Variants in AUTS2 observed in about 807,000 individuals in gnomAD.
AUTS2 encodes activator of transcription and developmental regulator AUTS2.
A neutral mutation model predicts 112.4 loss-of-function variants in AUTS2; 17 were observed. The ratio of observed to expected loss-of-function variants is 0.15; its 90% CI spans 0.10 to 0.23. The LOEUF (loss-of-function observed/expected upper bound fraction) is 0.23, where lower values mean the gene tolerates loss of function less well. AUTS2 is among the 10% of genes least tolerant of loss of function. The pLI is 1.00. For synonymous variants in AUTS2, 751 were observed against 702.7 expected, an observed-to-expected ratio of 1.07 and a Z score of -1.09; for missense variants, 1,510 against 1,701.6, an observed-to-expected ratio of 0.89 and a Z score of 1.98.
At chr7:70,768,105 T>C in intron 10 of AUTS2, 37 bp downstream of exon 10, 1 of 1,567,534 alleles carries the variant, frequency 6.4e-7, no homozygotes, top group Non-Finnish European at 8.6e-7. Flanking sequence ...TGAATGTAAC[T>C]GCTTTGCCAT....
chr7:70,074,349 G>A (rs1344021870), intron 2 of AUTS2, among the ~76,000 whole-genome samples: 1 of 151,884 alleles, frequency 6.6e-6, no homozygotes, highest in African/African-American at 2.4e-5. Context: ...CTTTCCCTTG[G>A]GTGTTATCTT....
At chr7:70,613,452 T>C (rs1355115654) in intron 5 of AUTS2, among the ~76,000 whole-genome samples, 2 of 151,968 alleles carry the variant, frequency 1.3e-5, no homozygotes, top group African/African-American at 4.8e-5. Flanking sequence ...GAGGGTATTG[T>C]GTTAGGTGTG....
chr7:70,351,425 CTATT>C (rs1468034853), intron 4 of AUTS2, among the ~76,000 whole-genome samples: 1 of 152,182 alleles, frequency 6.6e-6, no homozygotes. Flanking sequence ...TTTTCTTTAT[CTATT>C]CATCCATTGA....
intron 2 of AUTS2, among the ~76,000 whole-genome samples, chr7:69,902,101 T>C (rs549529429): frequency 6.6e-6 from 1 of 152,312 alleles, no homozygotes; most frequent in South Asian, 2.1e-4. Context: ...TTTGTTTTCA[T>C]GTAATATGAA....
At chr7:69,726,207 A>G (rs1584140876) in intron 1 of AUTS2, among the ~76,000 whole-genome samples, 1 of 151,922 alleles carries the variant, frequency 6.6e-6, no homozygotes, top group South Asian at 2.1e-4. Context: ...ATTCCTGCCC[A>G]CCCCTCCCAT....
intron 3 of AUTS2, among the ~76,000 whole-genome samples, chr7:70,125,387 T>G (rs1052752761): frequency 1.3e-5 from 2 of 152,118 alleles, no homozygotes; most frequent in African/African-American, 2.4e-5. Flanking sequence ...GCCTAATGCC[T>G]AACGTCTTAC....
In AUTS2 at chr7:70,529,232, A is replaced by G. The variant is rs541974488; in HGVS notation, c.690+93451A>G. Among the ~76,000 whole-genome samples the G allele has an allele frequency of 8.1e-4, 124 of 152,374 alleles. 1 individual carries two copies. Among genetic ancestry groups the G allele is most frequent in the African/African-American group, 2.7e-3 (114 of 41,594 alleles). The stretch of plus-strand genomic sequence containing the variant: ...CTTCACCATGCTGGAAAAATGGAAT[A>G]AAGAACCAAAATCAACGATAGCAGT... On this transcript the variant is annotated intron_variant, in intron 5 of 18. Transcript: ENST00000342771.
intron 5 of AUTS2, among the ~76,000 whole-genome samples, chr7:70,637,582 T>C (rs1423182568): frequency 6.6e-6 from 1 of 152,190 alleles, no homozygotes; most frequent in Non-Finnish European, 1.5e-5. Flanking sequence ...ACTGGAGGAA[T>C]ATAATGTTAC....
chr7:70,727,898 C>T (rs1241741145), intron 6 of AUTS2, among the ~76,000 whole-genome samples: 1 of 152,188 alleles, frequency 6.6e-6, no homozygotes, highest in Non-Finnish European at 1.5e-5. Flanking sequence ...CCAGGATCTG[C>T]AGGTAATACA....
chr7:69,623,452 G>A (rs952630197), intron 1 of AUTS2, among the ~76,000 whole-genome samples: 1 of 127,372 alleles, frequency 7.9e-6, no homozygotes, highest in African/African-American at 3.0e-5. Context: ...GGCTGGTCTT[G>A]AACTCCTGGG....
chr7:69,759,870 A>G (rs1021956299), intron 1 of AUTS2, among the ~76,000 whole-genome samples: 3 of 144,068 alleles, frequency 2.1e-5, no homozygotes, highest in African/African-American at 7.7e-5. Context: ...TTTACTGGCC[A>G]TAAAGGTTCA....
intron 1 of AUTS2, among the ~76,000 whole-genome samples, chr7:69,763,334 C>T (rs1282648217): frequency 5.9e-5 from 9 of 152,138 alleles, no homozygotes; most frequent in Admixed American, 5.9e-4. Flanking sequence ...CTCTCAAATG[C>T]ATGCTGTGGG....
chr7:70,048,604 A>G (rs1801607944), intron 2 of AUTS2, among the ~76,000 whole-genome samples: 1 of 152,218 alleles, frequency 6.6e-6, no homozygotes, highest in Non-Finnish European at 1.5e-5. Flanking sequence ...GAATTAATTC[A>G]TTTGTGTGTG....
chr7:70,172,603 A>G (rs1185285753), intron 4 of AUTS2, among the ~76,000 whole-genome samples: 5 of 152,172 alleles, frequency 3.3e-5, no homozygotes, highest in South Asian at 4.1e-4. Context: ...TATTTTTTCA[A>G]TTTTTAATAA....
intron 4 of AUTS2, among the ~76,000 whole-genome samples, chr7:70,277,924 A>ATT (rs1159500325): frequency 8.1e-6 from 1 of 123,466 alleles, no homozygotes; most frequent in African/African-American, 3.2e-5. Context: ...TGCCTTGTGT[A>ATT]TTTGTGTGTG....
chr7:70,505,161 A>C (rs1798914887), intron 5 of AUTS2, among the ~76,000 whole-genome samples: 1 of 152,176 alleles, frequency 6.6e-6, no homozygotes, highest in African/African-American at 2.4e-5. Flanking sequence ...GATGACTGTA[A>C]GCATATTTCT....
In AUTS2 at chr7:70,220,143, G is replaced by A. The variant is rs148244972; in HGVS notation, c.660+85572G>A. On this transcript the variant is annotated intron_variant, in intron 4 of 18. Transcript: ENST00000342771. ...TAGAGCAGCCGCAGTCATAGATAAC[G>A]CAAAAATAAATGTGGCAGTGTTCCA... Among the ~76,000 whole-genome samples, 19 of 152,218 alleles carry A rather than the reference G, an allele frequency of 1.2e-4. No homozygotes were observed. The East Asian group carries it at 3.5e-3, about 28-fold the overall frequency.
intron 4 of AUTS2, among the ~76,000 whole-genome samples, chr7:70,400,005 C>T (rs1794257841): frequency 6.6e-6 from 1 of 152,146 alleles, no homozygotes; most frequent in African/African-American, 2.4e-5. Context: ...ACAGTATTCC[C>T]TTCCTTCAGC....
chr7:69,944,061 A>G (rs1185516032), intron 2 of AUTS2, among the ~76,000 whole-genome samples: 1 of 152,242 alleles, frequency 6.6e-6, no homozygotes, highest in Admixed American at 6.5e-5. Context: ...ATGAAGGCCC[A>G]GATAATTAAA....
Sources: allele counts gnomAD v4.1 joint callset (sites outside exome capture counted in the v4.1 genomes callset), GRCh38; gene constraint gnomAD v4.1.1; transcripts MANE v1.5; gene names NCBI Gene and HGNC (gene_info 2026-07-23, HGNC 2026-07-21).